Variants in ZNF420 observed in about 807,000 individuals in gnomAD.
ZNF420 encodes the protein zinc finger protein 420.
ZNF420 carries 31 observed loss-of-function variants against 44.7 expected under a neutral mutation model. That is an observed-to-expected ratio of 0.69 (90% CI 0.52 to 0.94). The LOEUF is 0.94. ZNF420 is among the 40% of genes least tolerant of loss of function. The pLI, the probability that ZNF420 is intolerant of heterozygous loss-of-function variation, is 0.00. For missense variants in ZNF420, 681 were observed against 827.9 expected (o/e 0.82, Z 2.18); for synonymous variants, 245 against 267.4 (o/e 0.92, Z 0.82).
At chr19:37,032,081 A>G (rs911814651) in intron 1 of ZNF420, among the ~76,000 whole-genome samples, 4 of 152,148 alleles carry the variant, frequency 2.6e-5, no homozygotes, top group African/African-American at 7.2e-5. Flanking sequence ...GCGGTGGCTA[A>G]CGCCTGTAAT....
At chr19:37,049,045 C>T (rs1967592945) in intron 1 of ZNF420, among the ~76,000 whole-genome samples, 1 of 151,996 alleles carries the variant, frequency 6.6e-6, no homozygotes, top group African/African-American at 2.4e-5. Flanking sequence ...AGGACATGAA[C>T]TCATCATTTT....
chr19:37,059,403 T>A (rs116509536), intron 1 of ZNF420, among the ~76,000 whole-genome samples: 3,674 of 152,318 alleles, frequency 0.024, 162 homozygotes, highest in African/African-American at 0.083. Flanking sequence ...TTCTCACCGT[T>A]GTCTTAGAAA....
chr19:37,079,180 T>C (rs1968288210), intron 1 of ZNF420, among the ~76,000 whole-genome samples: 1 of 152,190 alleles, frequency 6.6e-6, no homozygotes, highest in African/African-American at 2.4e-5. Context: ...TGCCTTGTAC[T>C]TAATGGGATT....
intron 4 of ZNF420, among the ~76,000 whole-genome samples, chr19:37,102,750 A>T (rs1185255763): frequency 6.6e-6 from 1 of 152,160 alleles, no homozygotes; most frequent in Non-Finnish European, 1.5e-5. Flanking sequence ...AGGGGATATG[A>T]GTGGGTTACC....
At chr19:37,115,627 TG>T (rs1438877657) in intron 4 of ZNF420, among the ~76,000 whole-genome samples, 1 of 151,760 alleles carries the variant, frequency 6.6e-6, no homozygotes, top group Non-Finnish European at 1.5e-5. Flanking sequence ...AACATACAAT[TG>T]GGTTTTACAC....
chr19:37,128,290 C>T lies in ZNF420; in HGVS notation c.1299C>T (p.Leu433=). 6.2e-7 allele frequency: 1 copy of T among 1,609,308 alleles called. No individual in the cohort carries two copies. The highest frequency in any genetic ancestry group is 2.2e-5 in the East Asian group (1 of 44,518). The change falls in exon 5 of 5, where the codon CTC becomes CTT. Residue 433 remains leucine, a synonymous_variant. Coordinates refer to ENST00000337995, the MANE Select transcript of ZNF420 (RefSeq NM_144689.5). ...GAAAAGCGTTTAATCGTGGCTCACT[C>T]CTTACACGACACCAGAGGATTCATA... is the stretch of plus-strand genomic sequence containing the variant. ...ECGKAFNRGS[L]LTRHQRIHTG... is the part of the protein sequence containing the mutation.
chr19:37,022,391 T>A (rs889232605), intron 1 of ZNF420, among the ~76,000 whole-genome samples: 1 of 152,170 alleles, frequency 6.6e-6, no homozygotes, highest in East Asian at 1.9e-4. Context: ...TTTGACATTT[T>A]AAAAATTTGT....
chr19:37,096,643 G>T (rs1378051319), intron 4 of ZNF420, among the ~76,000 whole-genome samples: 1 of 152,138 alleles, frequency 6.6e-6, no homozygotes, highest in East Asian at 1.9e-4. Context: ...AAGGGTAACT[G>T]TAACTTCAGA....
intron 1 of ZNF420, among the ~76,000 whole-genome samples, chr19:37,008,272 T>A (rs1054694074): frequency 3.3e-5 from 5 of 152,020 alleles, no homozygotes; most frequent in Non-Finnish European, 7.4e-5. Flanking sequence ...TGTGTGTGTC[T>A]CACTTTCTTC....
At chr19:37,063,940 A>G (rs1967922782) in intron 1 of ZNF420, among the ~76,000 whole-genome samples, 1 of 152,190 alleles carries the variant, frequency 6.6e-6, no homozygotes. Flanking sequence ...AGTCTGATAC[A>G]GTTTCTCAGT....
intron 2 of ZNF420, among the ~76,000 whole-genome samples, chr19:37,087,230 A>G (rs1198784121): frequency 6.6e-6 from 1 of 151,382 alleles, no homozygotes; most frequent in Non-Finnish European, 1.5e-5. Flanking sequence ...GGTTACAGTA[A>G]GCTATGATCA....
intron 1 of ZNF420, among the ~76,000 whole-genome samples, chr19:37,066,260 T>C (rs1967965262): frequency 1.3e-5 from 2 of 152,088 alleles, no homozygotes; most frequent in Admixed American, 6.6e-5. Flanking sequence ...CTGACCAATA[T>C]GGTGAAACCC....
intron 1 of ZNF420, among the ~76,000 whole-genome samples, chr19:37,031,426 C>T (rs1967254349): frequency 1.3e-5 from 2 of 152,148 alleles, no homozygotes; most frequent in Admixed American, 6.6e-5. Context: ...TTATTAGTAA[C>T]AGATATACAG....
chr19:37,104,773 C>T (rs1380860071), intron 4 of ZNF420, among the ~76,000 whole-genome samples: 2 of 152,016 alleles, frequency 1.3e-5, no homozygotes, highest in African/African-American at 4.8e-5. Context: ...CTGTTGGCTG[C>T]ATATGTGTCT....
chr19:37,012,126 T>C (rs1486064869), intron 1 of ZNF420, among the ~76,000 whole-genome samples: 1 of 152,018 alleles, frequency 6.6e-6, no homozygotes, highest in Non-Finnish European at 1.5e-5. Flanking sequence ...AAGCTCCTCC[T>C]CCACCGGTAG....
At chr19:37,126,805 AT>A (rs35496983) in intron 4 of ZNF420, among the ~76,000 whole-genome samples, 2,932 of 152,134 alleles carry the variant, frequency 0.019, 79 homozygotes, top group East Asian at 0.049. Context: ...TTCTTAGCTA[AT>A]TTTTTTTAAA....
chr19:37,012,675 C>T (rs1203379933), intron 1 of ZNF420, among the ~76,000 whole-genome samples: 6 of 152,118 alleles, frequency 3.9e-5, no homozygotes, highest in Non-Finnish European at 8.8e-5. Context: ...GGGCTGCTCT[C>T]TCACCCGAGA....
intron 2 of ZNF420, among the ~76,000 whole-genome samples, chr19:37,085,609 C>T (rs940908239): frequency 1.3e-5 from 2 of 152,152 alleles, no homozygotes; most frequent in African/African-American, 4.8e-5. Flanking sequence ...CCAGGCACCT[C>T]CATTAGGAGG....
chr19:37,033,578 C>T (rs1967301396), intron 1 of ZNF420, among the ~76,000 whole-genome samples: 1 of 152,158 alleles, frequency 6.6e-6, no homozygotes, highest in South Asian at 2.1e-4. Context: ...TATGTCTGTA[C>T]CACATTTTGT....
Sources: allele counts gnomAD v4.1 joint callset (sites outside exome capture counted in the v4.1 genomes callset), GRCh38; gene constraint gnomAD v4.1.1; transcripts MANE v1.5; gene names NCBI Gene and HGNC (gene_info 2026-07-23, HGNC 2026-07-21).